RFX4: variants seen among roughly 807,000 people sequenced by gnomAD.
The protein encoded by RFX4 is regulatory factor X4, also known as transcription factor RFX4.
Under a neutral mutation model 95.0 loss-of-function variants are expected in RFX4, and 10 were observed. That is an observed-to-expected ratio of 0.11 (90% CI 0.06 to 0.18). The LOEUF (loss-of-function observed/expected upper bound fraction) is 0.18, where lower values mean the gene tolerates loss of function less well. Among genes scored for constraint, RFX4 ranks in the 10% least tolerant of loss-of-function variants. The pLI is 1.00. For missense variants in RFX4, 640 were observed against 922.0 expected, an observed-to-expected ratio of 0.69 and a Z score of 3.96; for synonymous variants, 321 against 340.7, an observed-to-expected ratio of 0.94 and a Z score of 0.64.
intron 2 of RFX4, among the ~76,000 whole-genome samples, chr12:106,632,187 G>T (rs2040429152): frequency 6.6e-6 from 1 of 152,202 alleles, no homozygotes; most frequent in African/African-American, 2.4e-5. Context: ...CTGCAAACTG[G>T]ACTGAGACCT....
intron 10 of RFX4, chr12:106,715,136 A>C (rs886402666): frequency 4.7e-5 from 16 of 341,690 alleles, no homozygotes; most frequent in Admixed American, 4.4e-4. Context: ...GGGACTGGAA[A>C]CAGCAGGGTT....
intron 4 of RFX4, among the ~76,000 whole-genome samples, chr12:106,660,665 A>C (rs2041053113): frequency 1.3e-5 from 2 of 152,096 alleles, no homozygotes; most frequent in Non-Finnish European, 2.9e-5. Flanking sequence ...AGAGGTCCTC[A>C]ACCCCTGGTC....
chr12:106,645,145 A>C (rs2040719149), intron 3 of RFX4, among the ~76,000 whole-genome samples: 1 of 152,200 alleles, frequency 6.6e-6, no homozygotes, highest in African/African-American at 2.4e-5. Context: ...CCCAGCAGAA[A>C]ACAGGCAAAT....
chr12:106,740,424 G>A (rs573218718), intron 15 of RFX4, among the ~76,000 whole-genome samples: 41 of 152,188 alleles, frequency 2.7e-4, no homozygotes, highest in Admixed American at 2.3e-3. Flanking sequence ...TCCTTCTTTC[G>A]TCCCTGCTAC....
At chr12:106,714,047 A>C (rs2137508294) in intron 10 of RFX4, among the ~76,000 whole-genome samples, 1 of 141,966 alleles carries the variant, frequency 7.0e-6, no homozygotes, top group South Asian at 2.3e-4. Context: ...TAGCCTGGGC[A>C]ACAAGAGTGA....
chr12:106,732,707 G>GTAAA (rs372246846), intron 14 of RFX4, among the ~76,000 whole-genome samples: 1,841 of 151,702 alleles, frequency 0.012, 30 homozygotes, highest in African/African-American at 0.033. Context: ...CTCAAAATAA[G>GTAAA]TAAATAAATA....
intron 15 of RFX4, among the ~76,000 whole-genome samples, chr12:106,738,867 A>C (rs1342288610): frequency 1.3e-5 from 2 of 152,338 alleles, no homozygotes; most frequent in East Asian, 3.9e-4. Context: ...ATATTAGGAA[A>C]TCTATTACGG....
intron 2 of RFX4, among the ~76,000 whole-genome samples, chr12:106,613,515 A>C (rs2040006008): frequency 6.6e-6 from 1 of 151,400 alleles, no homozygotes; most frequent in African/African-American, 2.4e-5. Context: ...GGCGCCCACC[A>C]CCACACCCAG....
At chr12:106,588,620 A>G (rs1048114401) in intron 1 of RFX4, among the ~76,000 whole-genome samples, 1 of 152,186 alleles carries the variant, frequency 6.6e-6, no homozygotes, top group Non-Finnish European at 1.5e-5. Context: ...GATTGGGTGT[A>G]AAAATTGATA....
chr12:106,610,788 T>G (rs1035411090), intron 2 of RFX4, among the ~76,000 whole-genome samples: 1 of 152,242 alleles, frequency 6.6e-6, no homozygotes, highest in African/African-American at 2.4e-5. Context: ...CATACAAATA[T>G]CTTTTCAAGT....
chr12:106,749,387 T>C (rs2042958139), intron 16 of RFX4, among the ~76,000 whole-genome samples: 1 of 152,074 alleles, frequency 6.6e-6, no homozygotes, highest in African/African-American at 2.4e-5. Context: ...TCAGGTCCCT[T>C]CCACAGTTGG....
intron 8 of RFX4, among the ~76,000 whole-genome samples, chr12:106,702,572 G>A (rs1185271193): frequency 6.6e-6 from 1 of 152,134 alleles, no homozygotes; most frequent in Non-Finnish European, 1.5e-5. Context: ...GTGGGGATGT[G>A]GGTTCTCCTT....
At position 106,747,480 on chromosome 12, in the gene RFX4, G is replaced by A. The variant is rs754049112; in HGVS notation, c.1677G>A (p.Thr559=). The A allele has an allele frequency of 6.2e-6, 10 of 1,614,058 alleles. No homozygotes were observed. The highest frequency in any genetic ancestry group is 4.0e-5 in the African/African-American group (3 of 74,924). ...SYTWSLTYTV[T]TAAGSPAENS... is the part of the protein sequence containing the mutation. ...CGTGGTCTCTAACATACACAGTGAC[G>A]ACGGCTGCTGGGTCCCCAGCTGAGA... Residue 559 remains threonine, a synonymous_variant, in exon 16 of 18, where the codon ACG becomes ACA. Transcript: ENST00000392842.
At chr12:106,696,574 T>G in intron 8 of RFX4, 128 bp downstream of exon 8, 1 of 798,128 alleles carries the variant, frequency 1.3e-6, no homozygotes, top group Non-Finnish European at 1.8e-6. Flanking sequence ...ATATTGAACT[T>G]TTAAATATTA....
intron 4 of RFX4, among the ~76,000 whole-genome samples, chr12:106,664,924 A>T (rs1279314534): frequency 1.3e-5 from 2 of 151,806 alleles, no homozygotes; most frequent in Non-Finnish European, 3.0e-5. Flanking sequence ...TTGTTTTATG[A>T]CCCAGAATGT....
At chr12:106,709,815 G>C (rs1003149354) in intron 9 of RFX4, among the ~76,000 whole-genome samples, 1 of 152,104 alleles carries the variant, frequency 6.6e-6, no homozygotes, top group Non-Finnish European at 1.5e-5. Flanking sequence ...AAGAGGCAAA[G>C]AGAGTTCCCC....
At chr12:106,699,708 G>GT (rs1034159967) in intron 8 of RFX4, among the ~76,000 whole-genome samples, 1 of 151,530 alleles carries the variant, frequency 6.6e-6, no homozygotes, top group African/African-American at 2.4e-5. Flanking sequence ...GCTACTCCAG[G>GT]TTTTTTTTAA....
intron 1 of RFX4, among the ~76,000 whole-genome samples, chr12:106,605,520 T>A (rs919963617): frequency 6.6e-6 from 1 of 152,178 alleles, no homozygotes; most frequent in African/African-American, 2.4e-5. Flanking sequence ...GACCCTTGAA[T>A]GCATGAGAAC....
At chr12:106,686,721 C>T (rs2041659326) in intron 5 of RFX4, among the ~76,000 whole-genome samples, 163 bp from the exon 6 acceptor site, 1 of 152,078 alleles carries the variant, frequency 6.6e-6, no homozygotes, top group Non-Finnish European at 1.5e-5. Flanking sequence ...GTGATATTAG[C>T]CTTACAGGAG....
Sources: gnomAD v4.1 joint callset for allele counts (sites outside exome capture counted in the v4.1 genomes callset) on GRCh38, gnomAD v4.1.1 for gene constraint, MANE v1.5 for transcripts, NCBI Gene and HGNC (gene_info 2026-07-23, HGNC 2026-07-21) for gene names.